The following SPAG16 variants were observed in gnomAD, a reference collection of about 807,000 sequenced individuals.
SPAG16 encodes sperm-associated antigen 16 protein.
A neutral mutation model predicts 80.4 loss-of-function variants in SPAG16; 86 were observed. The ratio of observed to expected loss-of-function variants is 1.07; its 90% CI spans 0.90 to 1.28. The LOEUF (loss-of-function observed/expected upper bound fraction) is 1.28, where lower values mean the gene tolerates loss of function less well. Among genes scored for constraint, SPAG16 ranks in the 50% most tolerant of loss-of-function variants. The probability of loss-of-function intolerance (pLI) is 0.00; values close to 1 mark genes in which losing one functional copy is unlikely to be tolerated. For synonymous variants in SPAG16, 294 were observed against 265.9 expected (o/e 1.11, Z -1.03); for missense variants, 870 against 765.3 (o/e 1.14, Z -1.61).
intron 15 of SPAG16, among the ~76,000 whole-genome samples, chr2:214,401,068 G>A (rs1701679519): frequency 6.6e-6 from 1 of 151,946 alleles, no homozygotes; most frequent in Non-Finnish European, 1.5e-5. Flanking sequence ...GAAATGCATT[G>A]ATCAGCAGTA....
At chr2:213,989,757 A>G (rs1023768538) in intron 12 of SPAG16, among the ~76,000 whole-genome samples, 1 of 152,074 alleles carries the variant, frequency 6.6e-6, no homozygotes, top group African/African-American at 2.4e-5. Context: ...GATGTCAGAC[A>G]TTTTCATTTT....
At chr2:213,860,433 A>C (rs199589892) in intron 10 of SPAG16, among the ~76,000 whole-genome samples, 3 of 64,652 alleles carry the variant, frequency 4.6e-5, no homozygotes, top group Non-Finnish European at 7.6e-5. Context: ...GTATATCTAT[A>C]TATTTATAGA....
intron 15 of SPAG16, among the ~76,000 whole-genome samples, chr2:214,209,954 C>T (rs1366292547): frequency 6.6e-6 from 1 of 152,072 alleles, no homozygotes; most frequent in East Asian, 1.9e-4. Context: ...TACTCTTATA[C>T]ACATTTTTCT....
At chr2:213,599,281 G>A (rs1025258680) in intron 10 of SPAG16, among the ~76,000 whole-genome samples, 3 of 152,228 alleles carry the variant, frequency 2.0e-5, no homozygotes, top group South Asian at 4.1e-4. Flanking sequence ...TTCTTGATAC[G>A]AACTACAAAT....
intron 15 of SPAG16, among the ~76,000 whole-genome samples, chr2:214,163,168 A>G (rs984162386): frequency 6.6e-5 from 10 of 152,062 alleles, no homozygotes; most frequent in South Asian, 4.1e-4. Context: ...ATACATATAT[A>G]TGAATAATCA....
intron 10 of SPAG16, among the ~76,000 whole-genome samples, chr2:213,668,009 C>T (rs1211384399): frequency 6.6e-6 from 1 of 150,798 alleles, no homozygotes; most frequent in Non-Finnish European, 1.5e-5. Context: ...TGCATGATCT[C>T]GGCTCACTGC....
At chr2:213,927,673 G>C (rs575879328) in intron 11 of SPAG16, among the ~76,000 whole-genome samples, 21 of 152,210 alleles carry the variant, frequency 1.4e-4, no homozygotes, top group African/African-American at 4.6e-4. Context: ...AAATAATACT[G>C]CTTCATTCTA....
intron 13 of SPAG16, among the ~76,000 whole-genome samples, chr2:214,083,798 A>G (rs1302407152): frequency 6.6e-6 from 1 of 152,138 alleles, no homozygotes. Context: ...AGTGAGCCAT[A>G]ATACCCAATA....
chr2:214,397,935 C>G (rs1701490964), intron 15 of SPAG16, among the ~76,000 whole-genome samples: 1 of 152,186 alleles, frequency 6.6e-6, no homozygotes, highest in Admixed American at 6.5e-5. Flanking sequence ...TATGCACTCT[C>G]ACTTGTTCTG....
chr2:213,651,950 C>T (rs1358513981), intron 10 of SPAG16, among the ~76,000 whole-genome samples: 1 of 152,106 alleles, frequency 6.6e-6, no homozygotes, highest in Non-Finnish European at 1.5e-5. Flanking sequence ...GGCAGTAATA[C>T]CCCAGACTAC....
At chr2:213,477,136 T>C (rs1287311322) in intron 9 of SPAG16, among the ~76,000 whole-genome samples, 4 of 151,498 alleles carry the variant, frequency 2.6e-5, no homozygotes, top group African/African-American at 7.3e-5. Flanking sequence ...TGAGAGAGAG[T>C]AGATAAGATG....
At chr2:213,430,342 G>T (rs978952378) in intron 9 of SPAG16, among the ~76,000 whole-genome samples, 1 of 152,164 alleles carries the variant, frequency 6.6e-6, no homozygotes, top group Admixed American at 6.5e-5. Flanking sequence ...AGAAGTACAG[G>T]ATTACTTCTC....
chr2:213,840,717 G>A (rs1434942728), intron 10 of SPAG16, among the ~76,000 whole-genome samples: 1 of 152,120 alleles, frequency 6.6e-6, no homozygotes, highest in Non-Finnish European at 1.5e-5. Flanking sequence ...AAAAGGGCTA[G>A]GATTGGTTAG....
intron 15 of SPAG16, among the ~76,000 whole-genome samples, chr2:214,232,511 A>C (rs1467770362): frequency 6.6e-6 from 1 of 151,960 alleles, no homozygotes; most frequent in Non-Finnish European, 1.5e-5. Context: ...TCAGATTCTT[A>C]TAGTGTGTTG....
At chr2:213,962,118 A>C (rs147612001) in intron 12 of SPAG16, among the ~76,000 whole-genome samples, 246 of 152,036 alleles carry the variant, frequency 1.6e-3, no homozygotes, top group African/African-American at 4.9e-3. Flanking sequence ...TTCTATTTGG[A>C]GATAAGGCAT....
chr2:213,757,717 A>G (rs2125508387), intron 10 of SPAG16, among the ~76,000 whole-genome samples: 1 of 152,308 alleles, frequency 6.6e-6, no homozygotes, highest in East Asian at 1.9e-4. Context: ...TCACCCCTGT[A>G]GCAGGCAGCT....
intron 10 of SPAG16, among the ~76,000 whole-genome samples, chr2:213,504,620 T>C (rs1315655094): frequency 6.6e-6 from 1 of 152,098 alleles, no homozygotes; most frequent in Non-Finnish European, 1.5e-5. Flanking sequence ...ACTTGAAGTT[T>C]GAAAAGGGGG....
intron 10 of SPAG16, among the ~76,000 whole-genome samples, chr2:213,735,835 A>G (rs1046878434): frequency 1.3e-5 from 2 of 152,208 alleles, no homozygotes; most frequent in East Asian, 1.9e-4. Flanking sequence ...TATTTGAAAG[A>G]TATATTATGT....
intron 11 of SPAG16, among the ~76,000 whole-genome samples, chr2:213,884,344 T>C (rs1366457940): frequency 2.6e-5 from 4 of 152,182 alleles, no homozygotes; most frequent in African/African-American, 9.6e-5. Context: ...CAGAATCTCT[T>C]CTTGCTTTTA....
Sources: allele counts gnomAD v4.1 joint callset (sites outside exome capture counted in the v4.1 genomes callset), GRCh38; gene constraint gnomAD v4.1.1; transcripts MANE v1.5; gene names NCBI Gene and HGNC (gene_info 2026-07-23, HGNC 2026-07-21).